SORL1: variants seen among roughly 807,000 people sequenced by gnomAD.
The protein encoded by SORL1 is sortilin-related receptor.
In SORL1, 127 loss-of-function variants were observed where a neutral mutation model predicts 273.7. The ratio of observed to expected loss-of-function variants is 0.46; its 90% CI spans 0.40 to 0.54. The LOEUF is 0.54. SORL1 is among the 20% of genes least tolerant of loss of function. The probability of loss-of-function intolerance (pLI) is 0.00; values close to 1 mark genes in which losing one functional copy is unlikely to be tolerated. For missense variants in SORL1, 2,494 were observed against 2,846.1 expected (o/e 0.88, Z 2.81); for synonymous variants, 1,031 against 1,067.4 (o/e 0.97, Z 0.66).
intron 1 of SORL1, among the ~76,000 whole-genome samples, chr11:121,466,667 C>G (rs1308406527): frequency 6.6e-6 from 1 of 152,152 alleles, no homozygotes; most frequent in Non-Finnish European, 1.5e-5. Context: ...GCTGGCTCCC[C>G]TGTCCTGCGC....
chr11:121,521,363 A>G (rs1186489452), intron 9 of SORL1, among the ~76,000 whole-genome samples: 2 of 152,192 alleles, frequency 1.3e-5, no homozygotes, highest in South Asian at 4.1e-4. Context: ...TCTTCCCTCA[A>G]TAGTGTCTTC....
At chr11:121,499,793 C>T (rs1481588214) in intron 6 of SORL1, among the ~76,000 whole-genome samples, 3 of 152,200 alleles carry the variant, frequency 2.0e-5, no homozygotes, top group African/African-American at 7.2e-5. Context: ...GAAATTCCAG[C>T]TGGCTTTAGT....
chr11:121,478,103 T>C lies in SORL1; in HGVS notation c.403-15T>C, dbSNP rs749419040. 1.9e-6 allele frequency: 3 copies of C among 1,607,818 alleles called. No homozygotes were observed. In the African/African-American group the frequency reaches 4.0e-5, roughly 22 times the overall value. ...CCAACTCTTTCTTTTTCATCTCCTTTTCTCTGTATTCCAGGTGTACGTGTC... is the reference window on the plus strand; with the variant it reads ...CCAACTCTTTCTTTTTCATCTCCTTCTCTCTGTATTCCAGGTGTACGTGTC... On this transcript the variant is annotated splice_polypyrimidine_tract_variant and intron_variant, in intron 2 of 47. Coordinates refer to ENST00000260197, the MANE Select transcript of SORL1 (RefSeq NM_003105.6).
In SORL1 at chr11:121,512,363, T is replaced by C. The variant is rs147009055; in HGVS notation, c.940-640T>C. ...TTATACACATTTCCAAGATTCTTGC[T>C]GTGACTTAAAAATCTCTAAAATGCA... is the stretch of plus-strand genomic sequence containing the variant. On this transcript the variant is annotated intron_variant, in intron 6 of 47. Coordinates refer to ENST00000260197, the MANE Select transcript of SORL1 (RefSeq NM_003105.6). Among the ~76,000 whole-genome samples the C allele has an allele frequency of 7.6e-4, 116 of 152,346 alleles. 1 individual carries two copies. In the East Asian group the frequency reaches 0.022, roughly 29 times the overall value.
intron 35 of SORL1, among the ~76,000 whole-genome samples, chr11:121,606,612 A>G (rs759017108): frequency 6.6e-5 from 10 of 152,190 alleles, no homozygotes; most frequent in African/African-American, 2.2e-4. Context: ...ATGAGCCACA[A>G]ATTTACCACA....
rs969536887 is a variant in SORL1 at position 121,563,198 on chromosome 11, G to T, written c.3049+3541G>T. ...CTGTGGCCCGTTGACTTCAAAGCCTGAACTTCGATAAAACCACCCGGCTCT... is the reference window on the plus strand; with the variant it reads ...CTGTGGCCCGTTGACTTCAAAGCCTTAACTTCGATAAAACCACCCGGCTCT... On this transcript the variant is annotated intron_variant, in intron 21 of 47. Transcript: ENST00000260197. The surrounding 1 kb of genome is among the most constrained non-coding windows in gnomAD (Gnocchi z 4.2). 2.4e-4 allele frequency among the ~76,000 whole-genome samples: 36 copies of T among 152,188 alleles called. 7 individuals carry two copies. Among genetic ancestry groups the T allele is most frequent in the Admixed American group, 1.6e-3 (24 of 15,278 alleles).
intron 42 of SORL1, among the ~76,000 whole-genome samples, chr11:121,619,194 A>G (rs1370017727): frequency 1.3e-5 from 2 of 152,232 alleles, no homozygotes; most frequent in Non-Finnish European, 2.9e-5. Flanking sequence ...ACATACTTTT[A>G]TGTGTGTGCC....
chr11:121,484,899 G>A (rs1861449239), intron 3 of SORL1, among the ~76,000 whole-genome samples: 1 of 152,064 alleles, frequency 6.6e-6, no homozygotes, highest in Non-Finnish European at 1.5e-5. Flanking sequence ...AATTATAGGT[G>A]CACACCACCA....
At chr11:121,546,888 C>G (rs1338604557) in intron 14 of SORL1, 10 of 152,246 alleles carry the variant, frequency 6.6e-5, no homozygotes, top group Admixed American at 6.5e-4. Flanking sequence ...CATGCAGATT[C>G]TGCCTCAGGA....
At position 121,588,162 on chromosome 11, in the gene SORL1, G is replaced by A; in HGVS notation, c.3946+11G>A. Reference sequence around the variant, plus strand: ...CGTTTGCAGGATGCTGTGAGTTGGGGCAGGCAGGGGAGGTGACTCACGGTC... The same window carrying A: ...CGTTTGCAGGATGCTGTGAGTTGGGACAGGCAGGGGAGGTGACTCACGGTC... On this transcript the variant is annotated intron_variant, in intron 28 of 47. Coordinates refer to ENST00000260197, the MANE Select transcript of SORL1 (RefSeq NM_003105.6). 6.2e-7 allele frequency: 1 copy of A among 1,612,346 alleles called. No individual in the cohort carries two copies. Among genetic ancestry groups the A allele is most frequent in the Non-Finnish European group, 8.5e-7 (1 of 1,178,996 alleles).
rs1354962919 is a variant in SORL1 at position 121,567,049 on chromosome 11, A to C, written c.3159A>C (p.Ser1053=). Residue 1053 remains serine, a synonymous_variant, in exon 22 of 48, where the codon TCA becomes TCC. Transcript: ENST00000260197. ...ATGTGTCCAGCAGTGTGCTTCCATC[A>C]GGGGACCTGATGTGTGACTGCCCTC... The part of the protein sequence containing the change: ...PEDVSSSVLP[S]GDLMCDCPQG... 2 of 1,614,080 alleles carry C rather than the reference A, an allele frequency of 1.2e-6. No homozygotes were observed. Among genetic ancestry groups the C allele is most frequent in the African/African-American group, 2.7e-5 (2 of 74,946 alleles).
intron 45 of SORL1, 31 bp from the exon 46 acceptor site, chr11:121,625,054 T>C (rs747452295): frequency 1.3e-6 from 2 of 1,531,030 alleles, no homozygotes; most frequent in East Asian, 4.5e-5. Context: ...CATATTCGAC[T>C]TCCTGAGCAA....
chr11:121,559,073 A>G (rs1007018259), intron 20 of SORL1, among the ~76,000 whole-genome samples: 4 of 152,218 alleles, frequency 2.6e-5, no homozygotes, highest in African/African-American at 9.6e-5. Flanking sequence ...GGCTCTTCCC[A>G]TGAACATTCC....
chr11:121,552,213 G>A (rs754140147), intron 16 of SORL1, among the ~76,000 whole-genome samples: 3 of 152,178 alleles, frequency 2.0e-5, no homozygotes, highest in Admixed American at 6.5e-5. Flanking sequence ...AATGGGGGCC[G>A]TAATATCTTT....
chr11:121,603,230 T>C (rs867677005), intron 32 of SORL1, among the ~76,000 whole-genome samples: 4 of 152,206 alleles, frequency 2.6e-5, no homozygotes, highest in East Asian at 3.8e-4. Context: ...AGGAGCAAGA[T>C]TGATTTTAGA....
rs960700936 is a variant in SORL1, at chr11:121,554,736, G to A, written c.2440-451G>A. 3.9e-5 allele frequency among the ~76,000 whole-genome samples: 6 copies of A among 152,148 alleles called. No homozygotes were observed. The highest frequency in any genetic ancestry group is 1.3e-4 in the Admixed American group (2 of 15,282). ...TGAGGGGCTTGGGGTGGGGGATGGC[G>A]GTGATGCTGAATGGAGCTGTCCAAC... On this transcript the variant is annotated intron_variant, in intron 17 of 47. Transcript: ENST00000260197. This position sits in a 1 kb window ranked among gnomAD's most constrained non-coding sequence, Gnocchi z 4.6.
At position 121,612,647 on chromosome 11, in the gene SORL1, G is replaced by A. The variant is rs1454666070; in HGVS notation, c.5323-89G>A. 1.1e-5 allele frequency: 10 copies of A among 952,340 alleles called. No homozygotes were observed. The African/African-American group carries it at 1.6e-4, about 15-fold the overall frequency. The allele number at this position is 952,340 out of a possible 1,614,324, so 59.0% of individuals were successfully genotyped here. A position where few individuals can be genotyped will look rare whatever the true frequency, so the allele number is the denominator to read the frequency against. ...GAATGAGATACCCAAGGAAAGAACA[G>A]GAAAGAGGTGTATTTTTAATCCTGC... On this transcript the variant is annotated intron_variant, in intron 39 of 47. Coordinates refer to ENST00000260197, the MANE Select transcript of SORL1 (RefSeq NM_003105.6).
intron 4 of SORL1, among the ~76,000 whole-genome samples, chr11:121,488,975 C>T (rs985975957): frequency 2.0e-5 from 3 of 152,128 alleles, no homozygotes; most frequent in Admixed American, 6.5e-5. Flanking sequence ...AGTTTACCAG[C>T]GGAGGGGGAA....
At chr11:121,613,716 T>G (rs530622491) in intron 40 of SORL1, among the ~76,000 whole-genome samples, 1 of 152,146 alleles carries the variant, frequency 6.6e-6, no homozygotes, top group African/African-American at 2.4e-5. Flanking sequence ...AAAACTGAAG[T>G]TGAAAGAATA....
Sources: gnomAD v4.1 joint callset for allele counts (sites outside exome capture counted in the v4.1 genomes callset) on GRCh38, gnomAD v4.1.1 for gene constraint, Gnocchi (gnomAD v3.1) non-coding constraint, MANE v1.5 for transcripts, NCBI Gene and HGNC (gene_info 2026-07-23, HGNC 2026-07-21) for gene names.